The following HS2ST1 variants were observed in gnomAD, a reference collection of about 807,000 sequenced individuals.
HS2ST1 encodes heparan sulfate 2-O-sulfotransferase 1, also known as 2-O-sulfotransferase.
A neutral mutation model predicts 42.9 loss-of-function variants in HS2ST1; 18 were observed. That is an observed-to-expected ratio of 0.42 (90% CI 0.29 to 0.62). HS2ST1 has a LOEUF of 0.62. Ranked by LOEUF, HS2ST1 falls within the 20% of genes least tolerant of loss-of-function variation. HS2ST1 has a pLI of 0.21. For missense variants in HS2ST1, 334 were observed against 433.8 expected (o/e 0.77, Z 2.04); for synonymous variants, 146 against 152.9 (o/e 0.95, Z 0.33).
chr1:87,100,794 G>C (rs757873219), intron 5 of HS2ST1, among the ~76,000 whole-genome samples: 71 of 152,234 alleles, frequency 4.7e-4, no homozygotes, highest in Non-Finnish European at 8.2e-4. Context: ...GGTGGCATAT[G>C]CCCATAGTCC....
At chr1:87,015,919 C>T (rs774134523) in intron 1 of HS2ST1, among the ~76,000 whole-genome samples, 25 of 151,510 alleles carry the variant, frequency 1.7e-4, no homozygotes, top group Admixed American at 3.3e-4. Flanking sequence ...TGGGTTTAAT[C>T]GATTCTCCTG....
At chr1:86,986,669 G>A (rs1223488192) in intron 1 of HS2ST1, among the ~76,000 whole-genome samples, 1 of 152,186 alleles carries the variant, frequency 6.6e-6, no homozygotes, top group African/African-American at 2.4e-5. Flanking sequence ...GCCATTGCTG[G>A]TGTTGAGGAT....
chr1:87,090,406 C>G (rs1221835055), intron 3 of HS2ST1, among the ~76,000 whole-genome samples: 1 of 151,990 alleles, frequency 6.6e-6, no homozygotes, highest in East Asian at 1.9e-4. Flanking sequence ...TTTTACTGCA[C>G]TATTGGTACT....
chr1:87,104,684 T>A lies in HS2ST1; in HGVS notation c.1059T>A (p.Pro353=). 1 of 1,597,648 alleles carries A rather than the reference T, an allele frequency of 6.3e-7. No individual in the cohort carries two copies. ...AQNFFYEKIY[P]KSN The stretch of plus-strand genomic sequence containing the variant: ...ACTTTTTCTATGAAAAGATTTACCC[T>A]AAGTCGAACTGAGTATAAGGTGTGA... Residue 353 remains proline (P), a synonymous_variant, in exon 7 of 7, where the codon CCT becomes CCA. Transcript: ENST00000370550.
intron 1 of HS2ST1, among the ~76,000 whole-genome samples, chr1:87,007,207 G>GT (rs920919566): frequency 2.8e-4 from 43 of 151,610 alleles, no homozygotes; most frequent in Admixed American, 2.4e-3. Context: ...ACTTGTTCTA[G>GT]TTTTTTTTAA....
intron 1 of HS2ST1, among the ~76,000 whole-genome samples, chr1:86,941,861 A>G (rs1406254632): frequency 2.0e-5 from 3 of 152,228 alleles, no homozygotes; most frequent in Admixed American, 1.3e-4. Context: ...GCTCACAGGT[A>G]ACTGCCAAGT....
At chr1:87,040,526 A>G (rs906663612) in intron 1 of HS2ST1, among the ~76,000 whole-genome samples, 1 of 152,110 alleles carries the variant, frequency 6.6e-6, no homozygotes, top group African/African-American at 2.4e-5. Context: ...GGCATGGGGC[A>G]TTGACTCCGC....
intron 5 of HS2ST1, among the ~76,000 whole-genome samples, chr1:87,102,105 T>C (rs1652227618): frequency 6.6e-6 from 1 of 151,890 alleles, no homozygotes; most frequent in African/African-American, 2.4e-5. Context: ...TCGCCCAGGC[T>C]GGAGTGCAAT....
chr1:87,042,712 C>T (rs1650552161), intron 1 of HS2ST1, among the ~76,000 whole-genome samples: 1 of 151,930 alleles, frequency 6.6e-6, no homozygotes, highest in Non-Finnish European at 1.5e-5. Flanking sequence ...TTTAGTGTTT[C>T]CAGAATATCA....
chr1:87,016,085 G>T (rs976370217), intron 1 of HS2ST1, among the ~76,000 whole-genome samples: 1 of 152,174 alleles, frequency 6.6e-6, no homozygotes, highest in African/African-American at 2.4e-5. Flanking sequence ...AAAGTGCTGG[G>T]ATTACAGGTG....
Position 87,059,576 on chromosome 1 carries a change from C to T in HS2ST1, c.125-13358C>T, listed in dbSNP as rs561723157. On this transcript the variant is annotated intron_variant, in intron 1 of 6. Transcript: ENST00000370550. ...AGTTGGACTCCCCATTTTGTATCAG[C>T]GTACTTATTTCAAGTGACTGAAATG... Among the ~76,000 whole-genome samples the T allele has an allele frequency of 1.2e-3, 179 of 152,230 alleles. 1 individual carries two copies. Among genetic ancestry groups the T allele is most frequent in the African/African-American group, 4.0e-3 (167 of 41,544 alleles).
At chr1:86,985,383 T>TATATATATATATAAACACACAC (rs1413099470) in intron 1 of HS2ST1, among the ~76,000 whole-genome samples, 1 of 44,706 alleles carries the variant, frequency 2.2e-5, no homozygotes, top group African/African-American at 5.1e-5. Context: ...TATATATATA[T>TATATATATATATAAACACACAC]ACACACACAC....
intron 1 of HS2ST1, among the ~76,000 whole-genome samples, chr1:86,953,526 G>A (rs1647583986): frequency 6.6e-6 from 1 of 152,168 alleles, no homozygotes; most frequent in African/African-American, 2.4e-5. Context: ...GGAAGCCAAG[G>A]CAGGCAGCGG....
chr1:87,001,774 T>G (rs1441255497), intron 1 of HS2ST1, among the ~76,000 whole-genome samples: 1 of 151,990 alleles, frequency 6.6e-6, no homozygotes, highest in East Asian at 1.9e-4. Flanking sequence ...CCACCACACC[T>G]GGCTAATTTT....
intron 1 of HS2ST1, among the ~76,000 whole-genome samples, chr1:86,962,694 A>G (rs1189799126): frequency 2.0e-5 from 3 of 152,040 alleles, no homozygotes; most frequent in Admixed American, 1.3e-4. Context: ...ACAACAACAA[A>G]ACAAAACTAC....
chr1:86,918,353 A>T (rs2102150148), intron 1 of HS2ST1, among the ~76,000 whole-genome samples: 1 of 152,240 alleles, frequency 6.6e-6, no homozygotes, highest in East Asian at 1.9e-4. Flanking sequence ...GTACATATAG[A>T]TGTGACTTAC....
Position 86,929,415 on chromosome 1 carries a change from G to A in HS2ST1, c.124+14255G>A, listed in dbSNP as rs567617055. Among the ~76,000 whole-genome samples the A allele has an allele frequency of 2.0e-4, 30 of 151,750 alleles. No homozygotes were observed. In the East Asian group the frequency reaches 5.6e-3, roughly 28 times the overall value. On this transcript the variant is annotated intron_variant, in intron 1 of 6. Transcript: ENST00000370550. ...TAGCTTTTTATTCTTTCCTTCCCTA[G>A]GAAGAAGTAATAATCACTGGCAATT... is the stretch of plus-strand genomic sequence containing the variant.
At chr1:86,936,836 C>G (rs1253917540) in intron 1 of HS2ST1, among the ~76,000 whole-genome samples, 1 of 151,456 alleles carries the variant, frequency 6.6e-6, no homozygotes. Flanking sequence ...TGGCTCAGGC[C>G]TGTAATCCCA....
intron 1 of HS2ST1, among the ~76,000 whole-genome samples, chr1:86,944,303 G>A (rs1168616178): frequency 2.6e-5 from 4 of 152,078 alleles, no homozygotes; most frequent in Non-Finnish European, 4.4e-5. Flanking sequence ...AATGTTAAAT[G>A]CCAGAATGAC....
Sources: allele counts gnomAD v4.1 joint callset (sites outside exome capture counted in the v4.1 genomes callset), GRCh38; gene constraint gnomAD v4.1.1; transcripts MANE v1.5; gene names NCBI Gene and HGNC (gene_info 2026-07-23, HGNC 2026-07-21).